The following KIF13A variants were observed in gnomAD, a reference collection of about 807,000 sequenced individuals.
KIF13A encodes kinesin-like protein KIF13A.
Under a neutral mutation model 212.2 loss-of-function variants are expected in KIF13A, and 79 were observed. The observed-to-expected ratio is 0.37, with a 90% confidence interval of 0.31 to 0.45. The LOEUF (loss-of-function observed/expected upper bound fraction) is 0.45. Ranked by LOEUF, KIF13A falls within the 20% of genes least tolerant of loss-of-function variation. The pLI is 1.00. For synonymous variants in KIF13A, 789 were observed against 808.6 expected (o/e 0.98, Z 0.41); for missense variants, 1,901 against 2,209.0 (o/e 0.86, Z 2.79).
At chr6:17,766,284 G>A (rs1758973975) in intron 38 of KIF13A, among the ~76,000 whole-genome samples, 1 of 146,986 alleles carries the variant, frequency 6.8e-6, no homozygotes, top group South Asian at 2.2e-4. Flanking sequence ...TTGTTGCCCA[G>A]GCTGGAGTGC....
At chr6:17,815,348 T>A (rs1763830731) in intron 17 of KIF13A, among the ~76,000 whole-genome samples, 1 of 152,110 alleles carries the variant, frequency 6.6e-6, no homozygotes, top group Non-Finnish European at 1.5e-5. Flanking sequence ...TGTCAGGCCT[T>A]CCACAAGAGG....
At position 17,947,271 on chromosome 6, in the gene KIF13A, C is replaced by T. The variant is rs1394133411; in HGVS notation, c.146+39783G>A. Among the ~76,000 whole-genome samples the T allele has an allele frequency of 6.6e-6, 1 of 152,004 alleles. No homozygotes were observed. ...ACAAGTTGGGTGGTGATACAAGGTA[C>T]TTACATTTTTTTCTTAACTGTTGAA... On this transcript the variant is annotated intron_variant, in intron 2 of 38. Transcript: ENST00000259711. This position sits in a 1 kb window ranked among gnomAD's most constrained non-coding sequence, Gnocchi z 4.6.
chr6:17,818,559 T>C (rs1356595342), intron 16 of KIF13A, among the ~76,000 whole-genome samples: 1 of 152,236 alleles, frequency 6.6e-6, no homozygotes, highest in Non-Finnish European at 1.5e-5. Context: ...TTAATAAAAA[T>C]GACAACCACA....
At chr6:17,864,055 G>A (rs1383822438) in intron 4 of KIF13A, among the ~76,000 whole-genome samples, 1 of 152,142 alleles carries the variant, frequency 6.6e-6, no homozygotes, top group Non-Finnish European at 1.5e-5. Flanking sequence ...TTGTCTAGGG[G>A]AAAGCATACC....
At chr6:17,802,793 G>T (rs1379668069) in intron 20 of KIF13A, among the ~76,000 whole-genome samples, 1 of 151,674 alleles carries the variant, frequency 6.6e-6, no homozygotes, top group African/African-American at 2.4e-5. Context: ...TCCAGGCTGG[G>T]GTGCATTGGT....
Position 17,825,719 on chromosome 6 carries a change from T to G in KIF13A, c.1786+49A>C. Reference sequence around the variant, plus strand: ...CATGCTTATCCCTCACTGAATGGTGTGAGGTGAGGAAATGCCCAAGGCGCT... The same window carrying G: ...CATGCTTATCCCTCACTGAATGGTGGGAGGTGAGGAAATGCCCAAGGCGCT... On this transcript the variant is annotated intron_variant, in intron 16 of 38. Transcript: ENST00000259711. The surrounding 1 kb of genome is among the most constrained non-coding windows in gnomAD (Gnocchi z 4.5). The G allele has an allele frequency of 2.1e-5, 33 of 1,541,740 alleles. No individual in the cohort carries two copies. The highest frequency in any genetic ancestry group is 2.5e-5 in the Non-Finnish European group (28 of 1,127,004).
At chr6:17,953,279 A>G (rs1343453386) in intron 2 of KIF13A, among the ~76,000 whole-genome samples, 1 of 148,880 alleles carries the variant, frequency 6.7e-6, no homozygotes, top group African/African-American at 2.6e-5. Context: ...GCATACATAC[A>G]TATACACGGG....
chr6:17,962,796 C>T (rs1415333485), intron 2 of KIF13A, among the ~76,000 whole-genome samples: 2 of 152,196 alleles, frequency 1.3e-5, no homozygotes, highest in South Asian at 4.1e-4. Flanking sequence ...AGCCAATCTA[C>T]ACCTTTCCAT....
chr6:17,920,637 G>C (rs916900931), intron 2 of KIF13A, among the ~76,000 whole-genome samples: 1 of 152,192 alleles, frequency 6.6e-6, no homozygotes, highest in South Asian at 2.1e-4. Context: ...ACTTTGGGAG[G>C]CCGAGGTGGG....
rs539918169 is a variant in KIF13A, at chr6:17,839,516, C to A, written c.831-1933G>T. On this transcript the variant is annotated intron_variant, in intron 9 of 38. Transcript: ENST00000259711. The surrounding 1 kb of genome is among the most constrained non-coding windows in gnomAD (Gnocchi z 4.3). ...TCACAACAACTACAACACGGATGAA[C>A]CCTGGCAAATTATTTTACGTGAAAG... Among the ~76,000 whole-genome samples the A allele has an allele frequency of 8.0e-4, 122 of 152,182 alleles. No homozygotes were observed. Among genetic ancestry groups the A allele is most frequent in the African/African-American group, 2.7e-3 (113 of 41,508 alleles).
At chr6:17,831,409 C>A (rs939154874) in intron 12 of KIF13A, among the ~76,000 whole-genome samples, 174 bp from the exon 13 acceptor site, 1 of 151,862 alleles carries the variant, frequency 6.6e-6, no homozygotes, top group African/African-American at 2.4e-5. Flanking sequence ...TTGTGGCAGG[C>A]GTGATAGGGG....
At chr6:17,782,252 A>G (rs865799765) in intron 29 of KIF13A, among the ~76,000 whole-genome samples, 1 of 152,176 alleles carries the variant, frequency 6.6e-6, no homozygotes, top group Non-Finnish European at 1.5e-5. Flanking sequence ...TTCTTTAAAA[A>G]TACAACAGGA....
At chr6:17,867,232 G>C (rs1769492404) in intron 4 of KIF13A, among the ~76,000 whole-genome samples, 2 of 152,060 alleles carry the variant, frequency 1.3e-5, no homozygotes, top group African/African-American at 4.8e-5. Flanking sequence ...AGAATGCTTA[G>C]GAACAACTTG....
intron 16 of KIF13A, among the ~76,000 whole-genome samples, chr6:17,820,624 T>C (rs903805743): frequency 6.6e-6 from 1 of 152,196 alleles, no homozygotes; most frequent in Admixed American, 6.5e-5. Flanking sequence ...ATTTTTCCTA[T>C]CATTTTCCTT....
intron 2 of KIF13A, among the ~76,000 whole-genome samples, chr6:17,976,185 G>A (rs1581925509): frequency 1.3e-5 from 2 of 152,218 alleles, no homozygotes; most frequent in African/African-American, 2.4e-5. Context: ...CTCTCACGCC[G>A]GCACTCCTCA....
intron 11 of KIF13A, among the ~76,000 whole-genome samples, chr6:17,835,477 C>T (rs911341527): frequency 2.0e-5 from 3 of 152,088 alleles, no homozygotes; most frequent in African/African-American, 7.3e-5. Context: ...ACCCTTCTTA[C>T]AATCTATCTG....
Position 17,934,520 on chromosome 6 carries a change from G to A in KIF13A, c.147-36340C>T, listed in dbSNP as rs991282969. ...AGACGCCGAAGGCCAGGCACCGTGG[G>A]TCATGCCTGTAATCCCAAAACTCTG... On this transcript the variant is annotated intron_variant, in intron 2 of 38. Transcript: ENST00000259711. This position sits in a 1 kb window ranked among gnomAD's most constrained non-coding sequence, Gnocchi z 5.4. 2.6e-5 allele frequency among the ~76,000 whole-genome samples: 4 copies of A among 152,134 alleles called. No homozygotes were observed. Among genetic ancestry groups the A allele is most frequent in the Admixed American group, 2.6e-4 (4 of 15,280 alleles).
chr6:17,796,953 T>A, intron 22 of KIF13A, 133 bp from the exon 23 acceptor site: 1 of 484,294 alleles, frequency 2.1e-6, no homozygotes, highest in Non-Finnish European at 3.3e-6. Flanking sequence ...CTCTTCTGTT[T>A]TATAGAAAAC....
At chr6:17,956,506 T>C (rs1778366362) in intron 2 of KIF13A, among the ~76,000 whole-genome samples, 1 of 152,162 alleles carries the variant, frequency 6.6e-6, no homozygotes, top group African/African-American at 2.4e-5. Context: ...ATTTACTATC[T>C]AGGTAGGGAG....
Sources: allele counts gnomAD v4.1 joint callset (sites outside exome capture counted in the v4.1 genomes callset), GRCh38; gene constraint gnomAD v4.1.1; non-coding constraint Gnocchi (gnomAD v3.1); transcripts MANE v1.5; gene names NCBI Gene and HGNC (gene_info 2026-07-23, HGNC 2026-07-21).